PTPN4: variants seen among roughly 807,000 people sequenced by gnomAD.
The protein encoded by PTPN4 is protein tyrosine phosphatase non-receptor type 4.
In PTPN4, 49 loss-of-function variants were observed where a neutral mutation model predicts 135.5. The ratio of observed to expected loss-of-function variants is 0.36; its 90% confidence interval spans 0.29 to 0.46. PTPN4 has a LOEUF of 0.46. Among genes scored for constraint, PTPN4 ranks in the 20% least tolerant of loss-of-function variants. The pLI is 1.00. For missense variants in PTPN4, 860 were observed against 1,101.0 expected, an observed-to-expected ratio of 0.78 and a Z score of 3.10; for synonymous variants, 333 against 369.9, an observed-to-expected ratio of 0.90 and a Z score of 1.14.
chr2:119,951,597 G>A (rs1031301691), intron 18 of PTPN4, among the ~76,000 whole-genome samples: 6 of 152,202 alleles, frequency 3.9e-5, no homozygotes, highest in Non-Finnish European at 5.9e-5. Context: ...TAAATGCACT[G>A]TGGTAACTAA....
chr2:119,837,275 C>T (rs895571453), intron 2 of PTPN4, among the ~76,000 whole-genome samples: 2 of 152,138 alleles, frequency 1.3e-5, no homozygotes, highest in African/African-American at 4.8e-5. Flanking sequence ...TAGGTCTCCT[C>T]GACTCTTCGA....
At chr2:119,878,996 G>A (rs1678028793) in intron 5 of PTPN4, among the ~76,000 whole-genome samples, 8 of 151,644 alleles carry the variant, frequency 5.3e-5, no homozygotes, top group Admixed American at 4.6e-4. Flanking sequence ...GGGAGGCTGA[G>A]GCAGGAGAAT....
At chr2:119,874,112 A>T (rs1677952157) in intron 3 of PTPN4, among the ~76,000 whole-genome samples, 1 of 152,216 alleles carries the variant, frequency 6.6e-6, no homozygotes, top group African/African-American at 2.4e-5. Flanking sequence ...ACAATGAAAT[A>T]TTCAGCAATA....
At chr2:119,810,551 T>C (rs1371317260) in intron 2 of PTPN4, among the ~76,000 whole-genome samples, 1 of 152,218 alleles carries the variant, frequency 6.6e-6, no homozygotes, top group Non-Finnish European at 1.5e-5. Context: ...TACTATAGTT[T>C]ACTTATCCTT....
intron 23 of PTPN4, 51 bp downstream of exon 23, chr2:119,961,004 C>CTG: frequency 6.4e-7 from 1 of 1,561,058 alleles, no homozygotes; most frequent in Non-Finnish European, 8.7e-7. Flanking sequence ...TCAAATTATA[C>CTG]TGCACATATG....
intron 1 of PTPN4, among the ~76,000 whole-genome samples, chr2:119,762,407 GT>G (rs1418690479): frequency 6.6e-6 from 1 of 151,840 alleles, no homozygotes; most frequent in Admixed American, 6.5e-5. Flanking sequence ...TTTTAAAATA[GT>G]TTTGTCTGTT....
Position 119,981,974 on chromosome 2 carries a change from C to T in PTPN4, c.*4904C>T, listed in dbSNP as rs1036601922. ...AATGGGCAACCAGAAGTAATATCTG[C>T]TAGGGTGCAATCCATCAGCATTGGT... On this transcript the variant is annotated 3_prime_UTR_variant, in exon 27 of 27. Coordinates refer to ENST00000263708, the MANE Select transcript of PTPN4 (RefSeq NM_002830.4). The T allele has an allele frequency of 6.6e-6, 1 of 152,070 alleles. No individual in the cohort carries two copies. The highest frequency in any genetic ancestry group is 6.6e-5 in the Admixed American group (1 of 15,258). 9.4% of individuals were successfully genotyped at this position (152,070 alleles called of 1,614,324 possible).
intron 2 of PTPN4, among the ~76,000 whole-genome samples, chr2:119,831,469 G>A (rs1028255306): frequency 1.3e-5 from 2 of 152,144 alleles, no homozygotes; most frequent in East Asian, 1.9e-4. Flanking sequence ...GAAGCACCAC[G>A]TTGTCTTATA....
Position 119,946,441 on chromosome 2 carries a change from T to C in PTPN4, c.1599+17T>C. ...AATGTAAAGGTAATCTGGAATTTAT[T>C]TTATACTCAGTTTTTAAATTAAGAT... On this transcript the variant is annotated intron_variant, in intron 17 of 26. Coordinates refer to ENST00000263708, the MANE Select transcript of PTPN4 (RefSeq NM_002830.4). 6.3e-7 allele frequency: 1 copy of C among 1,597,102 alleles called. No homozygotes were observed. Among genetic ancestry groups the C allele is most frequent in the South Asian group, 1.1e-5 (1 of 88,584 alleles).
chr2:119,918,346 A>G (rs937347773), intron 11 of PTPN4, among the ~76,000 whole-genome samples: 2 of 152,266 alleles, frequency 1.3e-5, no homozygotes, highest in African/African-American at 2.4e-5. Flanking sequence ...GATTTGGACT[A>G]TGTTAAAATT....
intron 2 of PTPN4, among the ~76,000 whole-genome samples, chr2:119,846,423 A>C (rs1677499931): frequency 6.6e-6 from 1 of 152,122 alleles, no homozygotes; most frequent in Non-Finnish European, 1.5e-5. Flanking sequence ...TTATTTTAAA[A>C]CTTTGTGTGA....
chr2:119,894,067 G>A (rs901825915), intron 9 of PTPN4, among the ~76,000 whole-genome samples: 2 of 152,162 alleles, frequency 1.3e-5, no homozygotes, highest in East Asian at 1.9e-4. Flanking sequence ...ACAGCCTTGT[G>A]AGGCAGGAGT....
At chr2:119,872,565 T>C (rs1677928421) in intron 3 of PTPN4, among the ~76,000 whole-genome samples, 5 of 152,174 alleles carry the variant, frequency 3.3e-5, no homozygotes, top group Non-Finnish European at 1.5e-5. Flanking sequence ...CCTCTTACCT[T>C]CACATTTTTT....
intron 2 of PTPN4, among the ~76,000 whole-genome samples, chr2:119,820,419 T>C (rs2860947): frequency 0.021 from 3,157 of 152,264 alleles, 59 homozygotes; most frequent in Non-Finnish European, 0.033. Context: ...GTTATAGTTA[T>C]CACATAAGGA....
chr2:119,805,760 G>C (rs968278596), intron 1 of PTPN4, among the ~76,000 whole-genome samples: 11 of 152,112 alleles, frequency 7.2e-5, no homozygotes, highest in Admixed American at 2.6e-4. Context: ...TCTTGGCAAC[G>C]TGGGCTCTTT....
intron 13 of PTPN4, among the ~76,000 whole-genome samples, chr2:119,931,359 G>T (rs1161042263): frequency 1.3e-5 from 2 of 150,694 alleles, no homozygotes. Flanking sequence ...AAATTCTAAG[G>T]GTTTATGATC....
chr2:119,784,758 G>A (rs1691016937), intron 1 of PTPN4, among the ~76,000 whole-genome samples: 1 of 134,272 alleles, frequency 7.4e-6, no homozygotes, highest in Admixed American at 8.4e-5. Context: ...GGGTGGTCTC[G>A]AACTCCTGAG....
chr2:119,779,678 G>T (rs1165405562), intron 1 of PTPN4, among the ~76,000 whole-genome samples: 1 of 151,606 alleles, frequency 6.6e-6, no homozygotes. Context: ...ATTGATTGAT[G>T]ATTTTTGATA....
intron 22 of PTPN4, among the ~76,000 whole-genome samples, chr2:119,959,028 A>C (rs1346917430): frequency 1.3e-5 from 2 of 152,174 alleles, no homozygotes; most frequent in Non-Finnish European, 2.9e-5. Context: ...GAGAGCTAAA[A>C]CAAAATGAGT....
Sources: allele counts gnomAD v4.1 joint callset (sites outside exome capture counted in the v4.1 genomes callset), GRCh38; gene constraint gnomAD v4.1.1; transcripts MANE v1.5; gene names NCBI Gene and HGNC (gene_info 2026-07-23, HGNC 2026-07-21).